GSE1: variants seen among roughly 807,000 people sequenced by gnomAD.
The protein encoded by GSE1 is Gse1 coiled-coil protein, also known as genetic suppressor element 1.
A neutral mutation model predicts 112.6 loss-of-function variants in GSE1; 32 were observed. That is an observed-to-expected ratio of 0.28 (90% CI 0.21 to 0.38). The LOEUF (loss-of-function observed/expected upper bound fraction) is 0.38. Ranked by LOEUF, GSE1 falls within the 10% of genes least tolerant of loss-of-function variation. The pLI is 1.00. For synonymous variants in GSE1, 1,115 were observed against 735.6 expected (o/e 1.52, Z -8.35); for missense variants, 2,348 against 1,699.2 (o/e 1.38, Z -6.71).
intron 8 of GSE1, among the ~76,000 whole-genome samples, chr16:85,657,942 A>G (rs1466779250): frequency 2.0e-5 from 3 of 152,208 alleles, no homozygotes; most frequent in Non-Finnish European, 4.4e-5. Context: ...TTAATTACTA[A>G]TAATACCTGT....
At chr16:85,514,372 C>CA (rs1390409312) in intron 2 of GSE1, among the ~76,000 whole-genome samples, 1 of 150,628 alleles carries the variant, frequency 6.6e-6, no homozygotes, top group African/African-American at 2.4e-5. Flanking sequence ...ACACCACCCC[C>CA]CCATCCTTTG....
chr16:85,214,672 CCT>C (rs2075280248), intron 1 of GSE1, among the ~76,000 whole-genome samples: 1 of 152,194 alleles, frequency 6.6e-6, no homozygotes. Flanking sequence ...CTGAGGCCTC[CCT>C]CTCTGGCCTC....
intron 1 of GSE1, among the ~76,000 whole-genome samples, chr16:85,310,568 G>A (rs2045811362): frequency 7.0e-6 from 1 of 142,176 alleles, no homozygotes; most frequent in Admixed American, 7.5e-5. Flanking sequence ...CCTGCCCACT[G>A]CCCTTGGTCC....
intron 2 of GSE1, among the ~76,000 whole-genome samples, chr16:85,510,511 G>A (rs1341344043): frequency 6.6e-6 from 1 of 152,194 alleles, no homozygotes; most frequent in Non-Finnish European, 1.5e-5. Flanking sequence ...CTTTGTGCCT[G>A]CAGCTGTGTG....
At chr16:85,609,214 C>T (rs550750823), upstream of GSE1, among the ~76,000 whole-genome samples, 177 of 152,350 alleles carry the variant, frequency 1.2e-3, 1 homozygote, top group African/African-American at 4.1e-3. Context: ...CTGCCCTCTG[C>T]TGTCTGTCCC....
At chr16:85,304,387 G>A (rs1051411188) in intron 1 of GSE1, among the ~76,000 whole-genome samples, 16 of 152,188 alleles carry the variant, frequency 1.1e-4, no homozygotes, top group African/African-American at 3.9e-4. Context: ...CAGAGGGGCT[G>A]GGTGCCTGCA....
At chr16:85,206,586 C>T (rs1017155416) in intron 1 of GSE1, among the ~76,000 whole-genome samples, 1 of 152,122 alleles carries the variant, frequency 6.6e-6, no homozygotes, top group Non-Finnish European at 1.5e-5. Context: ...GCTGGAAAAG[C>T]GTCTGCCTAC....
chr16:85,664,267 T>G (rs576469464), intron 11 of GSE1, among the ~76,000 whole-genome samples: 9 of 152,360 alleles, frequency 5.9e-5, no homozygotes, highest in Admixed American at 5.2e-4. Context: ...TACGCACGCT[T>G]TCAAGTCCTC....
chr16:85,563,071 C>T (rs1021155656), intron 1 of GSE1, among the ~76,000 whole-genome samples: 10 of 152,162 alleles, frequency 6.6e-5, no homozygotes, highest in South Asian at 2.1e-4. Context: ...GGTCTAGCTG[C>T]AGGATCAGCA....
intron 1 of GSE1, among the ~76,000 whole-genome samples, chr16:85,318,238 G>A (rs1389345253): frequency 1.3e-5 from 2 of 152,158 alleles, no homozygotes; most frequent in African/African-American, 4.8e-5. Flanking sequence ...TGAGTAACTC[G>A]GTCACTCTGA....
At chr16:85,408,917 CT>C (rs537721427) in intron 2 of GSE1, among the ~76,000 whole-genome samples, 13 of 6,492 alleles carry the variant, frequency 2.0e-3, no homozygotes, top group Admixed American at 2.6e-3. Context: ...TCAGGCCCCC[CT>C]GGATAATCCT....
intron 2 of GSE1, among the ~76,000 whole-genome samples, chr16:85,394,762 G>T (rs912444486): frequency 6.6e-6 from 1 of 152,108 alleles, no homozygotes; most frequent in Non-Finnish European, 1.5e-5. Context: ...CTACAGCAGA[G>T]CAAACCTTTC....
intron 2 of GSE1, among the ~76,000 whole-genome samples, chr16:85,550,479 C>G (rs1490191560): frequency 6.6e-6 from 1 of 152,098 alleles, no homozygotes; most frequent in Non-Finnish European, 1.5e-5. Flanking sequence ...GAAACGGAGG[C>G]TGCCCACCCG....
chr16:85,558,868 T>C (rs2045376003), intron 1 of GSE1, among the ~76,000 whole-genome samples: 2 of 151,742 alleles, frequency 1.3e-5, no homozygotes, highest in Admixed American at 1.3e-4. Context: ...TGGTCCTCTT[T>C]ATTTTTTGAG....
chr16:85,586,281 T>A (rs1421635067), intron 1 of GSE1, among the ~76,000 whole-genome samples: 1 of 152,262 alleles, frequency 6.6e-6, no homozygotes, highest in Non-Finnish European at 1.5e-5. Context: ...GGGTTAGGAC[T>A]TCAGCGTAAG....
At chr16:85,239,152 G>A (rs965274250) in intron 1 of GSE1, among the ~76,000 whole-genome samples, 16 of 152,098 alleles carry the variant, frequency 1.1e-4, no homozygotes, top group Non-Finnish European at 2.1e-4. Context: ...GGCTGGTCTC[G>A]AACTCCCGAC....
rs190908112 is a variant in GSE1 at position 85,663,170 on chromosome 16, C to A, written c.2373+77C>A. On this transcript the variant is annotated intron_variant, in intron 10 of 15. Transcript: ENST00000253458. ...AGCGTCCACACCCTGCAGTCCACCC[C>A]ACTGTTGCTAGGTTCCTCCGAAGTC... 1.2e-4 allele frequency: 147 copies of A among 1,247,352 alleles called. 1 individual carries two copies. The East Asian group carries it at 3.3e-3, about 28-fold the overall frequency. 77.3% of individuals were successfully genotyped at this position (1,247,352 alleles called of 1,614,324 possible). A position where few individuals can be genotyped will look rare whatever the true frequency, so the allele number is the denominator to read the frequency against.
rs548794296 is a variant in GSE1, at chr16:85,329,107, C to T, written c.2284-28356C>T. On this transcript the variant is annotated intron_variant, in intron 1 of 2. Coordinates refer to the GSE1 transcript ENST00000637419. ...CACTTGAACTCTGCCCTAGGCTCCT[C>T]CCCCTCCCCCACAGCTCCCTGGGCC... Among the ~76,000 whole-genome samples the T allele has an allele frequency of 7.9e-5, 12 of 152,268 alleles. No homozygotes were observed. The East Asian group carries it at 1.7e-3, about 22-fold the overall frequency.
intron 2 of GSE1, among the ~76,000 whole-genome samples, chr16:85,493,033 C>T (rs1458542445): frequency 3.3e-5 from 5 of 152,190 alleles, no homozygotes; most frequent in Non-Finnish European, 2.9e-5. Flanking sequence ...TATGGAGCCA[C>T]AGGGCTGGTG....
Sources: allele counts gnomAD v4.1 joint callset (sites outside exome capture counted in the v4.1 genomes callset), GRCh38; gene constraint gnomAD v4.1.1; transcripts MANE v1.5; gene names NCBI Gene and HGNC (gene_info 2026-07-23, HGNC 2026-07-21).